The following TRDN variants were observed in gnomAD, a reference collection of about 807,000 sequenced individuals.
The protein encoded by TRDN is triadin, also known as triadin in skeletal muscle.
TRDN carries 161 observed loss-of-function variants against 149.7 expected under a neutral mutation model. That is an observed-to-expected ratio of 1.08 (90% confidence interval 0.95 to 1.23). The LOEUF (loss-of-function observed/expected upper bound fraction) is 1.23, where lower values mean the gene tolerates loss of function less well. Among genes scored for constraint, TRDN ranks in the 50% most tolerant of loss-of-function variants. The pLI, the probability that TRDN is intolerant of heterozygous loss-of-function variation, is 0.00. For missense variants in TRDN, 896 were observed against 823.5 expected (o/e 1.09, Z -1.08); for synonymous variants, 294 against 250.5 (o/e 1.17, Z -1.64).
chr6:123,547,327 G>T lies in TRDN; in HGVS notation c.424+13C>A. The stretch of plus-strand genomic sequence containing the variant: ...GAGAAAAATAATTATTATCAAAGGT[G>T]AAAACAACTAACCTTTTTTTCTCAA... On this transcript the variant is annotated intron_variant, in intron 4 of 40. Coordinates refer to ENST00000334268, the MANE Select transcript of TRDN (RefSeq NM_006073.4). The T allele has an allele frequency of 7.0e-7, 1 of 1,436,960 alleles. No homozygotes were observed. Among genetic ancestry groups the T allele is most frequent in the South Asian group, 1.5e-5 (1 of 66,018 alleles). The allele number at this position is 1,436,960 out of a possible 1,614,324, so 89.0% of individuals were successfully genotyped here.
At chr6:123,262,073 G>T (rs1776791518) in intron 33 of TRDN, among the ~76,000 whole-genome samples, 1 of 151,764 alleles carries the variant, frequency 6.6e-6, no homozygotes, top group Non-Finnish European at 1.5e-5. Context: ...TATTCTAACA[G>T]GATTAAATAA....
intron 2 of TRDN, among the ~76,000 whole-genome samples, chr6:123,550,342 A>G (rs1781322116): frequency 6.6e-6 from 1 of 152,040 alleles, no homozygotes; most frequent in East Asian, 1.9e-4. Flanking sequence ...AGTGTAATGC[A>G]CCAGATATCA....
intron 12 of TRDN, among the ~76,000 whole-genome samples, chr6:123,403,291 G>A (rs935898654): frequency 1.3e-5 from 2 of 152,096 alleles, no homozygotes; most frequent in African/African-American, 4.8e-5. Context: ...TGTGGATATG[G>A]TTTTGGAATG....
intron 4 of TRDN, among the ~76,000 whole-genome samples, chr6:123,540,184 C>A (rs1489133703): frequency 6.6e-6 from 1 of 152,158 alleles, no homozygotes; most frequent in East Asian, 1.9e-4. Flanking sequence ...TTCTCTCTGT[C>A]CAACTGATTG....
intron 9 of TRDN, among the ~76,000 whole-genome samples, chr6:123,491,666 C>T (rs989328521): frequency 6.6e-6 from 1 of 152,106 alleles, no homozygotes; most frequent in African/African-American, 2.4e-5. Context: ...CTTTTTAATA[C>T]AATTATTTAT....
intron 13 of TRDN, 83 bp downstream of exon 13, chr6:123,393,541 A>G: frequency 7.8e-7 from 1 of 1,286,838 alleles, no homozygotes; most frequent in Non-Finnish European, 1.1e-6. Flanking sequence ...GCTATTCTGC[A>G]ATAAACAGCT....
chr6:123,501,190 T>C (rs977541822), intron 8 of TRDN, among the ~76,000 whole-genome samples: 1 of 152,122 alleles, frequency 6.6e-6, no homozygotes, highest in African/African-American at 2.4e-5. Context: ...AGTAACTACA[T>C]TGAATATATT....
chr6:123,490,467 A>C (rs1778166599), intron 9 of TRDN, among the ~76,000 whole-genome samples: 1 of 152,196 alleles, frequency 6.6e-6, no homozygotes, highest in Non-Finnish European at 1.5e-5. Flanking sequence ...TGTTTATTTC[A>C]GGAATTTTCC....
Position 123,375,599 on chromosome 6 carries a change from A to G in TRDN, c.1273+6T>C. On this transcript the variant is annotated splice_donor_region_variant and intron_variant, in intron 19 of 40. Coordinates refer to ENST00000334268, the MANE Select transcript of TRDN (RefSeq NM_006073.4). ...TGCTCTTCTTTAAAAATTTTGTTCA[A>G]CATACTTGCTTTTACTTGTTTGTCA... is the stretch of plus-strand genomic sequence containing the variant. The G allele has an allele frequency of 2.6e-6, 4 of 1,535,696 alleles. No homozygotes were observed. The highest frequency in any genetic ancestry group is 3.5e-6 in the Non-Finnish European group (4 of 1,139,472).
At chr6:123,556,565 T>C (rs1348906241) in intron 2 of TRDN, among the ~76,000 whole-genome samples, 1 of 152,020 alleles carries the variant, frequency 6.6e-6, no homozygotes, top group Non-Finnish European at 1.5e-5. Flanking sequence ...GTTCAGTCTC[T>C]CTTTCTCTAT....
intron 1 of TRDN, among the ~76,000 whole-genome samples, chr6:123,584,097 A>T (rs1231970957): frequency 1.3e-5 from 2 of 151,986 alleles, no homozygotes; most frequent in Non-Finnish European, 2.9e-5. Context: ...AATATGGGGA[A>T]ATGGGGTGAA....
intron 12 of TRDN, among the ~76,000 whole-genome samples, chr6:123,403,183 A>C (rs1163550126): frequency 6.6e-6 from 1 of 152,234 alleles, no homozygotes; most frequent in Non-Finnish European, 1.5e-5. Flanking sequence ...TGATTTCAAC[A>C]AGGCCAGGGA....
At chr6:123,360,924 C>A (rs1780876164) in intron 20 of TRDN, among the ~76,000 whole-genome samples, 1 of 152,062 alleles carries the variant, frequency 6.6e-6, no homozygotes, top group South Asian at 2.1e-4. Context: ...GAAACACTAC[C>A]TCTGAGATTA....
At chr6:123,392,625 A>C (rs748970994) in intron 13 of TRDN, among the ~76,000 whole-genome samples, 14 of 152,050 alleles carry the variant, frequency 9.2e-5, no homozygotes, top group Admixed American at 6.6e-5. Flanking sequence ...TTCCTAAAGA[A>C]AAACAAGTTT....
chr6:123,600,429 G>T (rs931568811), intron 1 of TRDN, among the ~76,000 whole-genome samples: 33 of 151,628 alleles, frequency 2.2e-4, no homozygotes, highest in Non-Finnish European at 2.8e-4. Flanking sequence ...ATGGAACCCG[G>T]GTTGGGTGTG....
chr6:123,421,805 C>CAAA (rs56022131), intron 12 of TRDN, among the ~76,000 whole-genome samples: 5 of 92,632 alleles, frequency 5.4e-5, no homozygotes, highest in Admixed American at 1.2e-4. Flanking sequence ...CCTTTCTCTA[C>CAAA]AAAAAAAAAA....
intron 23 of TRDN, among the ~76,000 whole-genome samples, chr6:123,324,113 C>G (rs113567339): frequency 3.9e-5 from 6 of 152,260 alleles, no homozygotes; most frequent in African/African-American, 1.2e-4. Flanking sequence ...AACAAGCAGG[C>G]ATTCCTTAGT....
chr6:123,218,465 G>A lies in TRDN; in HGVS notation c.*136C>T, dbSNP rs1457773946. On this transcript the variant is annotated 3_prime_UTR_variant, in exon 41 of 41. Coordinates refer to ENST00000334268, the MANE Select transcript of TRDN (RefSeq NM_006073.4). ...CTCAATCCATTTGGCCACCCTTTCC[G>A]TCCACACCAGGCCAAAGAGCAAAAT... 3.6e-5 allele frequency: 38 copies of A among 1,041,868 alleles called. No individual in the cohort carries two copies. Among genetic ancestry groups the A allele is most frequent in the South Asian group, 1.2e-4 (7 of 58,606 alleles). 64.5% of individuals were successfully genotyped at this position (1,041,868 alleles called of 1,614,324 possible).
chr6:123,557,325 C>CTCTT (rs1781726931), intron 2 of TRDN, among the ~76,000 whole-genome samples: 1 of 152,128 alleles, frequency 6.6e-6, no homozygotes, highest in African/African-American at 2.4e-5. Flanking sequence ...TGTCCTCCTA[C>CTCTT]TCTTTGCTCT....
Sources: allele counts gnomAD v4.1 joint callset (sites outside exome capture counted in the v4.1 genomes callset), GRCh38; gene constraint gnomAD v4.1.1; transcripts MANE v1.5; gene names NCBI Gene and HGNC (gene_info 2026-07-23, HGNC 2026-07-21).